The following TLCD3B variants were observed in gnomAD, a reference collection of about 807,000 sequenced individuals.
TLCD3B encodes the protein TLC domain containing 3B.
TLCD3B carries 9 observed loss-of-function variants against 23.0 expected under a neutral mutation model. The ratio of observed to expected loss-of-function variants is 0.39; its 90% CI spans 0.24 to 0.68. The LOEUF (loss-of-function observed/expected upper bound fraction) is 0.68, where lower values mean the gene tolerates loss of function less well. TLCD3B is among the 30% of genes least tolerant of loss of function. The pLI is 0.44. For missense variants in TLCD3B, 307 were observed against 371.8 expected (o/e 0.83, Z 1.43); for synonymous variants, 161 against 161.0 (o/e 1.00, Z 0.00).
intron 2 of TLCD3B, among the ~76,000 whole-genome samples, chr16:30,045,737 T>TTGTGTG (rs141468225): frequency 6.0e-5 from 9 of 149,338 alleles, no homozygotes; most frequent in African/African-American, 2.2e-4. Flanking sequence ...TGGTGTGTGT[T>TTGTGTG]TGTGTGTGTG....
intron 2 of TLCD3B, among the ~76,000 whole-genome samples, chr16:30,042,559 C>A (rs1387472664): frequency 6.6e-6 from 1 of 152,086 alleles, no homozygotes; most frequent in African/African-American, 2.4e-5. Flanking sequence ...TCCCAACATC[C>A]AATGAGATAG....
chr16:30,046,845 C>A (rs1235082125), intron 1 of TLCD3B, among the ~76,000 whole-genome samples: 2 of 152,234 alleles, frequency 1.3e-5, no homozygotes, highest in Admixed American at 6.5e-5. Flanking sequence ...GAGCCTTGGG[C>A]TCCTCATCAA....
chr16:30,035,149 T>A (rs1245738913), upstream of TLCD3B: 2 of 417,640 alleles, frequency 4.8e-6, no homozygotes, highest in African/African-American at 4.2e-5. Flanking sequence ...TGACCTCAGG[T>A]GATCCACCTG....
intron 1 of TLCD3B, among the ~76,000 whole-genome samples, chr16:30,048,893 C>T (rs2071711630): frequency 6.6e-6 from 1 of 152,148 alleles, no homozygotes; most frequent in Non-Finnish European, 1.5e-5. Context: ...GTCTCAGCCT[C>T]CCAAGTAGCT....
At chr16:30,045,499 T>G (rs1310926275) in intron 2 of TLCD3B, among the ~76,000 whole-genome samples, 2 of 142,166 alleles carry the variant, frequency 1.4e-5, no homozygotes, top group African/African-American at 5.2e-5. Context: ...TTGTGTGGTG[T>G]GTATGGTGTG....
At chr16:30,035,617 C>A, upstream of TLCD3B, 1 of 725,404 alleles carries the variant, frequency 1.4e-6, no homozygotes, top group South Asian at 1.9e-5. Flanking sequence ...TGAAAGCCAC[C>A]AGGCAAACCT....
At chr16:30,038,542 G>C (rs2071515062) in intron 3 of TLCD3B, among the ~76,000 whole-genome samples, 1 of 152,200 alleles carries the variant, frequency 6.6e-6, no homozygotes, top group Non-Finnish European at 1.5e-5. Context: ...ACAAGGTCAG[G>C]AGTTCAAGAC....
At chr16:30,047,093 T>G (rs571221210) in intron 1 of TLCD3B, among the ~76,000 whole-genome samples, 118 of 152,192 alleles carry the variant, frequency 7.8e-4, no homozygotes, top group African/African-American at 2.7e-3. Flanking sequence ...CCTAAGTAGC[T>G]AGAATTACAG....
At chr16:30,028,712 A>C (rs1458659985) in intron 2 of TLCD3B, among the ~76,000 whole-genome samples, 1 of 152,164 alleles carries the variant, frequency 6.6e-6, no homozygotes, top group Non-Finnish European at 1.5e-5. Context: ...CCTGGGACTC[A>C]GTGGCTGCCA....
At chr16:30,036,959 C>G (rs528583755) in intron 3 of TLCD3B, among the ~76,000 whole-genome samples, 1,750 of 151,814 alleles carry the variant, frequency 0.012, 23 homozygotes, top group African/African-American at 0.04. Context: ...ATGGTGGGAA[C>G]CTGTAATCCC....
rs755602960 is a variant in TLCD3B at position 30,027,523 on chromosome 16, G to C, written c.210-680C>G. On this transcript the variant is annotated intron_variant, in intron 2 of 4. Transcript: ENST00000380495. ...GAGGCATCAGAGACAGACCCTGTTGGCAAGTGAGAGGTCTTGTCAGCGCTG... is the reference window on the plus strand; with the variant it reads ...GAGGCATCAGAGACAGACCCTGTTGCCAAGTGAGAGGTCTTGTCAGCGCTG... The C allele has an allele frequency of 4.7e-4, 212 of 452,818 alleles. 1 individual carries two copies. Among genetic ancestry groups the C allele is most frequent in the Non-Finnish European group, 8.5e-4 (191 of 224,376 alleles). 28.1% of individuals were successfully genotyped at this position (452,818 alleles called of 1,614,324 possible).
At chr16:30,044,899 C>T (rs2071635701) in intron 2 of TLCD3B, among the ~76,000 whole-genome samples, 4 of 151,486 alleles carry the variant, frequency 2.6e-5, no homozygotes, top group African/African-American at 7.3e-5. Flanking sequence ...GAGACCAGCC[C>T]CTGGCCAATA....
chr16:30,036,108 G>C (rs771038178), upstream of TLCD3B: 1 of 1,242,098 alleles, frequency 8.1e-7, no homozygotes, highest in Non-Finnish European at 1.0e-6. Flanking sequence ...TGCATGCCCC[G>C]CCCGCCGCCC....
Position 30,025,785 on chromosome 16 carries a change from A to G in TLCD3B, c.481T>C (p.Cys161Arg). Residue 161 changes from cysteine (C) to arginine (R), a missense_variant, in exon 4 of 5, where the codon TGC becomes CGC. Coordinates refer to ENST00000380495, the MANE Select transcript of TLCD3B (RefSeq NM_031478.6). This position sits in a 1 kb window ranked among gnomAD's most constrained non-coding sequence, Gnocchi z 4.1. Reference sequence around the variant, plus strand: ...GTGCTGACCTCTGCCATCAACATGCAACCCAGAAAGAAGTCTCCCTTACCC... The same window carrying G: ...GTGCTGACCTCTGCCATCAACATGCGACCCAGAAAGAAGTCTCCCTTACCC... ...RQGKGDFFLG[C>R]MLMAEVSTPF... 1 of 1,614,118 alleles carries G rather than the reference A, an allele frequency of 6.2e-7. No homozygotes were observed. Among genetic ancestry groups the G allele is most frequent in the Non-Finnish European group, 8.5e-7 (1 of 1,180,032 alleles).
chr16:30,030,788 G>C lies in TLCD3B; in HGVS notation c.-261C>G. 8.0e-6 allele frequency: 10 copies of C among 1,243,122 alleles called. No individual in the cohort carries two copies. Among genetic ancestry groups the C allele is most frequent in the Non-Finnish European group, 9.1e-6 (9 of 993,666 alleles). The allele number at this position is 1,243,122 out of a possible 1,614,324, so 77.0% of individuals were successfully genotyped here. On this transcript the variant is annotated 5_prime_UTR_variant, in exon 1 of 5. Coordinates refer to ENST00000380495, the MANE Select transcript of TLCD3B (RefSeq NM_031478.6). ...GAGCAGGAGCAGGCCAGCGAGGGAT[G>C]GGGAGAGGCAAAGAGGGGATGGCTT...
At chr16:30,051,717 G>A (rs2071757816) in intron 1 of TLCD3B, among the ~76,000 whole-genome samples, 1 of 152,102 alleles carries the variant, frequency 6.6e-6, no homozygotes, top group African/African-American at 2.4e-5. Context: ...AGTATCTTGT[G>A]AGAAGTGCGA....
intron 2 of TLCD3B, 51 bp from the exon 3 acceptor site, chr16:30,026,894 G>T: frequency 6.7e-7 from 1 of 1,495,396 alleles, no homozygotes; most frequent in Non-Finnish European, 9.2e-7. Context: ...GGGGACACCA[G>T]TGATTGGGGT....
chr16:30,038,991 T>C (rs2071527290), intron 3 of TLCD3B, among the ~76,000 whole-genome samples: 1 of 151,398 alleles, frequency 6.6e-6, no homozygotes, highest in South Asian at 2.1e-4. Context: ...AAACTTATTT[T>C]CCTAAGGAAC....
At chr16:30,040,197 A>C (rs1250890237) in intron 3 of TLCD3B, among the ~76,000 whole-genome samples, 1 of 147,936 alleles carries the variant, frequency 6.8e-6, no homozygotes, top group African/African-American at 2.5e-5. Flanking sequence ...TGGGGTCTGA[A>C]ACCAGGCAGC....
Sources: gnomAD v4.1 joint callset for allele counts (sites outside exome capture counted in the v4.1 genomes callset) on GRCh38, gnomAD v4.1.1 for gene constraint, Gnocchi (gnomAD v3.1) non-coding constraint, MANE v1.5 for transcripts, NCBI Gene and HGNC (gene_info 2026-07-23, HGNC 2026-07-21) for gene names.